ABCB1: variants seen among roughly 807,000 people sequenced by gnomAD.
ABCB1 encodes the protein ATP binding cassette subfamily B member 1, also known as ATP-dependent translocase ABCB1.
A neutral mutation model predicts 142.0 loss-of-function variants in ABCB1; 69 were observed. That is an observed-to-expected ratio of 0.49 (90% confidence interval 0.40 to 0.59). The LOEUF is 0.59. Among genes scored for constraint, ABCB1 ranks in the 20% least tolerant of loss-of-function variants. The probability of loss-of-function intolerance (pLI) is 0.00; values close to 1 mark genes in which losing one functional copy is unlikely to be tolerated. For missense variants in ABCB1, 1,326 were observed against 1,554.7 expected, an observed-to-expected ratio of 0.85 and a Z score of 2.47; for synonymous variants, 532 against 539.2, an observed-to-expected ratio of 0.99 and a Z score of 0.18.
chr7:87,570,599 T>C (rs923195416), intron 4 of ABCB1, among the ~76,000 whole-genome samples: 1 of 152,224 alleles, frequency 6.6e-6, no homozygotes, highest in Non-Finnish European at 1.5e-5. Flanking sequence ...AAGGTATATA[T>C]TTAAAATCTT....
intron 8 of ABCB1, among the ~76,000 whole-genome samples, chr7:87,559,646 A>T (rs933644489): frequency 2.0e-5 from 3 of 151,840 alleles, no homozygotes; most frequent in African/African-American, 7.3e-5. Flanking sequence ...ATAATTTTGT[A>T]TTTCTTCTAC....
At chr7:87,660,161 C>T (rs182480682) in intron 1 of ABCB1, among the ~76,000 whole-genome samples, 9 of 151,882 alleles carry the variant, frequency 5.9e-5, no homozygotes, top group Admixed American at 5.9e-4. Context: ...GAGAATTTTG[C>T]GTAAGTTTGG....
intron 14 of ABCB1, 80 bp downstream of exon 14, chr7:87,549,268 A>C: frequency 6.4e-7 from 1 of 1,568,852 alleles, no homozygotes; most frequent in Non-Finnish European, 8.7e-7. Context: ...TTCCTTTTCT[A>C]AGACCAATAT....
chr7:87,522,045 G>A, intron 21 of ABCB1: 2 of 1,001,802 alleles, frequency 2.0e-6, no homozygotes, highest in Non-Finnish European at 3.1e-6. Context: ...AGCCAAAGAG[G>A]CAAAGCAGCT....
chr7:87,583,047 G>A (rs1818582175), intron 4 of ABCB1, among the ~76,000 whole-genome samples: 1 of 152,172 alleles, frequency 6.6e-6, no homozygotes, highest in Non-Finnish European at 1.5e-5. Flanking sequence ...TATGAAAATT[G>A]AGGTAGTATC....
chr7:87,556,623 C>T (rs1817322710), intron 8 of ABCB1, among the ~76,000 whole-genome samples: 1 of 152,216 alleles, frequency 6.6e-6, no homozygotes, highest in South Asian at 2.1e-4. Context: ...CCTGCCTCTG[C>T]TCCAGATCAG....
chr7:87,566,678 T>C, intron 6 of ABCB1, 107 bp downstream of exon 6: 1 of 1,146,088 alleles, frequency 8.7e-7, no homozygotes, highest in Non-Finnish European at 1.3e-6. Context: ...GTCTCATAAG[T>C]ACCTTTGAAT....
At chr7:87,656,474 C>T (rs930589466) in intron 1 of ABCB1, among the ~76,000 whole-genome samples, 1 of 151,054 alleles carries the variant, frequency 6.6e-6, no homozygotes, top group Non-Finnish European at 1.5e-5. Flanking sequence ...CCCAGGGTGA[C>T]TGAAAAAGAA....
intron 22 of ABCB1, 152 bp from the exon 23 acceptor site, chr7:87,519,618 A>G (rs1282225782): frequency 1.2e-6 from 1 of 838,544 alleles, no homozygotes; most frequent in African/African-American, 1.7e-5. Context: ...CTTTACACTT[A>G]ACAGTTGTGC....
At chr7:87,655,002 A>C (rs1417842868) in intron 1 of ABCB1, among the ~76,000 whole-genome samples, 1 of 152,100 alleles carries the variant, frequency 6.6e-6, no homozygotes, top group Non-Finnish European at 1.5e-5. Flanking sequence ...TCCCCTCGTT[A>C]GAATGCATAT....
chr7:87,532,281 C>A (rs548792385), intron 20 of ABCB1, among the ~76,000 whole-genome samples: 5 of 152,244 alleles, frequency 3.3e-5, no homozygotes, highest in African/African-American at 1.2e-4. Flanking sequence ...CCCAGACCTG[C>A]CTTTTCTGAA....
chr7:87,533,984 A>C (rs1409648471), intron 20 of ABCB1, among the ~76,000 whole-genome samples: 2 of 152,204 alleles, frequency 1.3e-5, no homozygotes, highest in Non-Finnish European at 2.9e-5. Context: ...TGAGGAAACA[A>C]GTGAAAAGCA....
intron 4 of ABCB1, among the ~76,000 whole-genome samples, chr7:87,578,794 C>T (rs1818382360): frequency 6.7e-6 from 1 of 150,152 alleles, no homozygotes; most frequent in Admixed American, 6.6e-5. Context: ...CCCGGGTTCA[C>T]GCCATTCTCC....
chr7:87,635,796 C>T (rs921211172), intron 1 of ABCB1, among the ~76,000 whole-genome samples: 1 of 152,076 alleles, frequency 6.6e-6, no homozygotes, highest in African/African-American at 2.4e-5. Context: ...GTTTTTAACA[C>T]CATGGTTTGT....
chr7:87,652,742 T>C (rs557764014), intron 1 of ABCB1, among the ~76,000 whole-genome samples: 125 of 151,564 alleles, frequency 8.2e-4, no homozygotes, highest in African/African-American at 3.0e-3. Context: ...TTTTTTGGTA[T>C]TTTAATATAT....
chr7:87,566,557 G>T (rs1003551022), intron 6 of ABCB1, among the ~76,000 whole-genome samples: 2 of 152,078 alleles, frequency 1.3e-5, no homozygotes, highest in African/African-American at 4.8e-5. Flanking sequence ...CTTCATTCTG[G>T]CAAAGCCCAG....
At chr7:87,710,552 C>A in intron 1 of ABCB1, 1 of 1,444,116 alleles carries the variant, frequency 6.9e-7, no homozygotes, top group Non-Finnish European at 9.5e-7. Context: ...ATATTTGATT[C>A]TTTCTTCTTC....
Position 87,544,981 on chromosome 7 carries a change from C to A in ABCB1, c.1906G>T (p.Glu636Ter), listed in dbSNP as rs1265709861. ...GATTCATCAGCTGCATTTTCTAATTCAACTTCATTTCCTGCTGTCTAAAAT... is the reference window on the plus strand; with the variant it reads ...GATTCATCAGCTGCATTTTCTAATTAAACTTCATTTCCTGCTGTCTAAAAT... ...VTMQTAGNEV[E>*]LENAADESKS... The change falls in exon 16 of 28, where the codon GAA becomes TAA. Residue 636 changes from glutamate to a stop codon, truncating the protein, a stop_gained. Coordinates refer to ENST00000622132, the MANE Select transcript of ABCB1 (RefSeq NM_001348946.2). LOFTEE classifies it high-confidence loss of function. 6.2e-7 allele frequency: 1 copy of A among 1,613,948 alleles called. No individual in the cohort carries two copies. The highest frequency in any genetic ancestry group is 8.5e-7 in the Non-Finnish European group (1 of 1,179,972).
At chr7:87,684,692 G>C (rs985107743) in intron 1 of ABCB1, among the ~76,000 whole-genome samples, 1 of 135,692 alleles carries the variant, frequency 7.4e-6, no homozygotes, top group African/African-American at 2.7e-5. Flanking sequence ...AGATTGCAGT[G>C]AGTCGAGATC....
Sources: allele counts gnomAD v4.1 joint callset (sites outside exome capture counted in the v4.1 genomes callset), GRCh38; gene constraint gnomAD v4.1.1; transcripts MANE v1.5; gene names NCBI Gene and HGNC (gene_info 2026-07-23, HGNC 2026-07-21).